Variants in C3orf70 observed in about 807,000 individuals in gnomAD.
C3orf70 encodes the protein UPF0524 protein C3orf70.
C3orf70 carries 15 observed loss-of-function variants against 20.7 expected under a neutral mutation model. That is an observed-to-expected ratio of 0.72 (90% CI 0.48 to 1.11). The LOEUF (loss-of-function observed/expected upper bound fraction) is 1.11. C3orf70 is among the 50% of genes most tolerant of loss of function. The pLI, the probability that C3orf70 is intolerant of heterozygous loss-of-function variation, is 0.00. For missense variants in C3orf70, 332 were observed against 317.6 expected (o/e 1.05, Z -0.34); for synonymous variants, 161 against 125.7 (o/e 1.28, Z -1.88).
At chr3:185,101,157 G>T (rs1311675202) in intron 1 of C3orf70, among the ~76,000 whole-genome samples, 3 of 152,158 alleles carry the variant, frequency 2.0e-5, no homozygotes, top group Admixed American at 6.6e-5. Flanking sequence ...AATTAAGGAA[G>T]AAGGACTCCT....
chr3:185,146,841 C>T (rs1237243080), intron 1 of C3orf70, among the ~76,000 whole-genome samples: 1 of 152,194 alleles, frequency 6.6e-6, no homozygotes, highest in Admixed American at 6.5e-5. Context: ...CACAAAATCA[C>T]AATGCTAATT....
chr3:185,132,283 A>C (rs941890700), intron 1 of C3orf70, among the ~76,000 whole-genome samples: 1 of 152,228 alleles, frequency 6.6e-6, no homozygotes, highest in Non-Finnish European at 1.5e-5. Context: ...CAGAAACAGA[A>C]CATAAAACAA....
At chr3:185,125,741 T>C (rs775062511) in intron 1 of C3orf70, among the ~76,000 whole-genome samples, 26 of 152,184 alleles carry the variant, frequency 1.7e-4, no homozygotes, top group South Asian at 4.1e-4. Context: ...CAAAGCTACA[T>C]GCTACACGAT....
intron 1 of C3orf70, among the ~76,000 whole-genome samples, chr3:185,089,021 G>A (rs1715513121): frequency 6.6e-6 from 1 of 152,158 alleles, no homozygotes; most frequent in Non-Finnish European, 1.5e-5. Flanking sequence ...ATAAAGACTT[G>A]TCTCAAGGAC....
intron 1 of C3orf70, among the ~76,000 whole-genome samples, chr3:185,098,175 A>G (rs1715749505): frequency 6.6e-6 from 1 of 152,242 alleles, no homozygotes; most frequent in African/African-American, 2.4e-5. Flanking sequence ...AAGCCTGTCC[A>G]GGTACAGCTG....
At chr3:185,104,148 G>A (rs1715878097) in intron 1 of C3orf70, among the ~76,000 whole-genome samples, 1 of 152,154 alleles carries the variant, frequency 6.6e-6, no homozygotes, top group South Asian at 2.1e-4. Flanking sequence ...GCTGTGGACA[G>A]CTTTCTTCTT....
chr3:185,136,328 C>G (rs1475905259), intron 1 of C3orf70, among the ~76,000 whole-genome samples: 1 of 152,216 alleles, frequency 6.6e-6, no homozygotes, highest in Non-Finnish European at 1.5e-5. Context: ...TGGCTCACGC[C>G]TGTAATCTCA....
At chr3:185,120,033 A>AAAAAAAAGAAAAAAAAAG (rs55921240) in intron 1 of C3orf70, among the ~76,000 whole-genome samples, 1 of 100,784 alleles carries the variant, frequency 9.9e-6, no homozygotes, top group Admixed American at 1.2e-4. Flanking sequence ...AAAAAAAAAA[A>AAAAAAAAGAAAAAAAAAG]AAAAAGAAAA....
At chr3:185,136,932 AC>A (rs1356116339) in intron 1 of C3orf70, among the ~76,000 whole-genome samples, 1 of 151,746 alleles carries the variant, frequency 6.6e-6, no homozygotes, top group Non-Finnish European at 1.5e-5. Context: ...AACAACAACA[AC>A]AACAACAACA....
intron 1 of C3orf70, among the ~76,000 whole-genome samples, chr3:185,134,775 C>G (rs1202082714): frequency 5.9e-5 from 9 of 152,126 alleles, no homozygotes. Flanking sequence ...TAAAAAGGTA[C>G]CTCAATACTC....
At position 185,080,898 on chromosome 3, in the gene C3orf70, T is replaced by C. The variant is rs1715321997; in HGVS notation, c.*2109A>G. The C allele has an allele frequency of 6.6e-6, 1 of 152,246 alleles. No individual in the cohort carries two copies. Among genetic ancestry groups the C allele is most frequent in the South Asian group, 2.1e-4 (1 of 4,826 alleles). The allele number at this position is 152,246 out of a possible 1,614,324, so 9.4% of individuals were successfully genotyped here. On this transcript the variant is annotated 3_prime_UTR_variant, in exon 2 of 2. Coordinates refer to ENST00000335012, the MANE Select transcript of C3orf70 (RefSeq NM_001025266.3). ...TTTAAATTTCAGTAAGTGGAGACTT[T>C]ATGCCGCATTCTCATTTAGCATAGA...
At chr3:185,144,428 TA>T (rs1716815045) in intron 1 of C3orf70, among the ~76,000 whole-genome samples, 1 of 152,208 alleles carries the variant, frequency 6.6e-6, no homozygotes. Flanking sequence ...TCCTTCCCTT[TA>T]CTGAATACTT....
chr3:185,148,512 A>C (rs1345425023), intron 1 of C3orf70, among the ~76,000 whole-genome samples: 5 of 152,112 alleles, frequency 3.3e-5, no homozygotes, highest in Non-Finnish European at 7.4e-5. Flanking sequence ...CTCCACCTCC[A>C]CCAATCTAAT....
At position 185,144,126 on chromosome 3, in the gene C3orf70, A is replaced by C. The variant is rs541956380; in HGVS notation, c.196+8502T>G. Among the ~76,000 whole-genome samples the C allele has an allele frequency of 8.8e-4, 134 of 152,302 alleles. 1 individual carries two copies. The highest frequency in any genetic ancestry group is 3.0e-3 in the African/African-American group (126 of 41,570). On this transcript the variant is annotated intron_variant, in intron 1 of 1. Transcript: ENST00000335012. ...ATTCTTTGTTGTTTTTCAGTGTTTA[A>C]TTGAACAAATCAGTACGGTCACAGG...
rs1363957407 is a variant in C3orf70 at position 185,078,519 on chromosome 3, GTGAGAGACAC to G, written c.*4478_*4487del. On this transcript the variant is annotated 3_prime_UTR_variant, in exon 2 of 2. Transcript: ENST00000335012. ...AGAAGTGCCCTATTTCTGTGTTGAT[GTGAGAGACAC>G]TGATATCCGGGAACTTACAGCACTG... The G allele has an allele frequency of 6.6e-6, 1 of 152,200 alleles. No homozygotes were observed. Among genetic ancestry groups the G allele is most frequent in the East Asian group, 1.9e-4 (1 of 5,196 alleles). 9.4% of individuals were successfully genotyped at this position (152,200 alleles called of 1,614,324 possible).
chr3:185,098,206 A>C (rs1044355539), intron 1 of C3orf70, among the ~76,000 whole-genome samples: 1 of 152,214 alleles, frequency 6.6e-6, no homozygotes, highest in African/African-American at 2.4e-5. Context: ...GCCTAGGCTA[A>C]AACTATCCTG....
At chr3:185,133,293 T>C (rs1314643967) in intron 1 of C3orf70, among the ~76,000 whole-genome samples, 7 of 152,264 alleles carry the variant, frequency 4.6e-5, no homozygotes, top group Non-Finnish European at 8.8e-5. Context: ...ATGTATTTAT[T>C]ATTTGGTCCA....
intron 1 of C3orf70, among the ~76,000 whole-genome samples, chr3:185,119,764 G>A (rs960496888): frequency 2.4e-4 from 37 of 151,972 alleles, no homozygotes; most frequent in African/African-American, 6.8e-4. Context: ...GGTGGCTCAC[G>A]CCTGTAATCC....
Position 185,082,885 on chromosome 3 carries a change from G to T in C3orf70, c.*122C>A. 1 of 891,538 alleles carries T rather than the reference G, an allele frequency of 1.1e-6. No individual in the cohort carries two copies. The highest frequency in any genetic ancestry group is 1.8e-6 in the Non-Finnish European group (1 of 570,168). 55.2% of individuals were successfully genotyped at this position (891,538 alleles called of 1,614,324 possible). A position where few individuals can be genotyped will look rare whatever the true frequency, so the allele number is the denominator to read the frequency against. ...ATCAGCATACCACTGAACTGCTACGGTTGTTGGTTGGAGCGGGGCGGGGTG... is the reference window on the plus strand; with the variant it reads ...ATCAGCATACCACTGAACTGCTACGTTTGTTGGTTGGAGCGGGGCGGGGTG... On this transcript the variant is annotated 3_prime_UTR_variant, in exon 2 of 2. Coordinates refer to ENST00000335012, the MANE Select transcript of C3orf70 (RefSeq NM_001025266.3).
Sources: allele counts gnomAD v4.1 joint callset (sites outside exome capture counted in the v4.1 genomes callset), GRCh38; gene constraint gnomAD v4.1.1; transcripts MANE v1.5; gene names NCBI Gene and HGNC (gene_info 2026-07-23, HGNC 2026-07-21).